Variants in SMARCA2 observed in about 807,000 individuals in gnomAD.
SMARCA2 encodes SWI/SNF related BAF chromatin remodeling complex subunit ATPase 2, also known as SWI/SNF-related matrix-associated actin-dependent regulator of chromatin subfamily A member 2.
A neutral mutation model predicts 199.8 loss-of-function variants in SMARCA2; 61 were observed. The observed-to-expected ratio is 0.31, with a 90% CI of 0.25 to 0.38. SMARCA2 has a LOEUF of 0.38. Among genes scored for constraint, SMARCA2 ranks in the 10% least tolerant of loss-of-function variants. SMARCA2 has a pLI of 1.00. For synonymous variants in SMARCA2, 935 were observed against 732.0 expected (o/e 1.28, Z -4.48); for missense variants, 1,344 against 2,012.2 (o/e 0.67, Z 6.35).
chr9:2,101,481 A>T lies in SMARCA2; in HGVS notation c.3079-89A>T. 4 of 654,668 alleles carry T rather than the reference A, an allele frequency of 6.1e-6. No homozygotes were observed. In the South Asian group the frequency reaches 9.5e-5, roughly 16 times the overall value. The allele number at this position is 654,668 out of a possible 1,614,324, so 40.6% of individuals were successfully genotyped here. A position where few individuals can be genotyped will look rare whatever the true frequency, so the allele number is the denominator to read the frequency against. On this transcript the variant is annotated intron_variant, in intron 21 of 33. Coordinates refer to ENST00000349721, the MANE Select transcript of SMARCA2 (RefSeq NM_003070.5). Reference sequence around the variant, plus strand: ...TTAATTATTTTGTTTTAACTATAGAAATAGGTAGGATAACCTCACTAAAAG... The same window carrying T: ...TTAATTATTTTGTTTTAACTATAGATATAGGTAGGATAACCTCACTAAAAG...
chr9:2,056,637 T>G lies in SMARCA2; in HGVS notation c.1174-35T>G. 6.3e-7 allele frequency: 1 copy of G among 1,589,288 alleles called. No individual in the cohort carries two copies. Among genetic ancestry groups the G allele is most frequent in the Non-Finnish European group, 8.6e-7 (1 of 1,168,996 alleles). ...CAGAGTTCAGGAACCTAGCTTCTGT[T>G]AGGGAAGGCTGTCTAACTGCTCTCT... On this transcript the variant is annotated intron_variant, in intron 6 of 33. Transcript: ENST00000349721. This position sits in a 1 kb window ranked among gnomAD's most constrained non-coding sequence, Gnocchi z 4.0.
At chr9:2,128,310 G>C (rs558217149) in intron 27 of SMARCA2, among the ~76,000 whole-genome samples, 1 of 152,320 alleles carries the variant, frequency 6.6e-6, no homozygotes, top group South Asian at 2.1e-4. Context: ...TTCTTTTAGA[G>C]ACCTTGATGA....
rs544722488 is a variant in SMARCA2 at position 2,151,396 on chromosome 9, C to T, written c.3982-10290C>T. Among the ~76,000 whole-genome samples the T allele has an allele frequency of 3.3e-5, 5 of 151,582 alleles. No individual in the cohort carries two copies. In the South Asian group the frequency reaches 1.0e-3, roughly 32 times the overall value. On this transcript the variant is annotated intron_variant, in intron 27 of 33. Transcript: ENST00000349721. ...AGATGTGAAAATGGCAACAGGATAA[C>T]GAAGACAGTACAAGACCCAGGCCAG...
At chr9:2,075,963 T>C (rs1011042634) in intron 12 of SMARCA2, among the ~76,000 whole-genome samples, 4 of 152,238 alleles carry the variant, frequency 2.6e-5, no homozygotes, top group African/African-American at 9.6e-5. Flanking sequence ...GTTTCTGGCA[T>C]GATATTTACA....
chr9:2,157,686 G>C (rs1478299706), intron 27 of SMARCA2: 2 of 381,738 alleles, frequency 5.2e-6, no homozygotes, highest in African/African-American at 4.1e-5. Flanking sequence ...TGGACTTGGA[G>C]AGGCGGAGGT....
intron 28 of SMARCA2, among the ~76,000 whole-genome samples, chr9:2,166,954 C>T (rs1445869031): frequency 6.6e-6 from 1 of 152,180 alleles, no homozygotes; most frequent in Non-Finnish European, 1.5e-5. Flanking sequence ...TCTAAGAGAC[C>T]TCCTGCTGGC....
At chr9:2,078,123 T>G (rs1217430408) in intron 14 of SMARCA2, among the ~76,000 whole-genome samples, 1 of 152,220 alleles carries the variant, frequency 6.6e-6, no homozygotes, top group Admixed American at 6.5e-5. Context: ...TGTGGTTTTA[T>G]GCCGTGGATT....
chr9:2,139,746 A>T (rs190135051), intron 27 of SMARCA2, among the ~76,000 whole-genome samples: 1 of 152,192 alleles, frequency 6.6e-6, no homozygotes, highest in Non-Finnish European at 1.5e-5. Context: ...CGATAGTAAT[A>T]TTGTCTACAG....
chr9:2,161,784 T>G lies in SMARCA2; in HGVS notation c.4080T>G (p.Asp1360Glu), dbSNP rs751758557. The G allele has an allele frequency of 6.4e-5, 104 of 1,613,840 alleles. No homozygotes were observed. Among genetic ancestry groups the G allele is most frequent in the Non-Finnish European group, 8.7e-5 (103 of 1,179,932 alleles). The change falls in exon 28 of 34, where the codon GAT (aspartate) becomes GAG (glutamate). Residue 1360 changes from aspartate (D) to glutamate (E), a missense_variant. Around this residue, in one of 18 missense-constraint regions of SMARCA2, gnomAD observed 151 missense variants for 154.0 expected, o/e 0.98. Transcript: ENST00000349721. The surrounding 1 kb of genome is among the most constrained non-coding windows in gnomAD (Gnocchi z 4.7). ...TGGATAAAGATCCTGCAAAAGAAGA[T>G]GTGGAAAAAGCTAAGAAGAGAAGAG... ...RNVDKDPAKE[D>E]VEKAKKRRGR...
chr9:2,183,485 C>G (rs1405365236), intron 31 of SMARCA2, among the ~76,000 whole-genome samples: 1 of 152,216 alleles, frequency 6.6e-6, no homozygotes, highest in East Asian at 1.9e-4. Flanking sequence ...CTGTCTGTAT[C>G]TCTGGCCTGA....
At chr9:2,185,943 G>A (rs967336971) in intron 31 of SMARCA2, among the ~76,000 whole-genome samples, 153 bp from the exon 32 acceptor site, 14 of 152,160 alleles carry the variant, frequency 9.2e-5, no homozygotes, top group African/African-American at 2.2e-4. Flanking sequence ...TGGGCTTGGC[G>A]TTTTGCTACT....
intron 27 of SMARCA2, 117 bp downstream of exon 27, chr9:2,124,054 G>T: frequency 2.6e-6 from 2 of 773,640 alleles, no homozygotes. Context: ...TCAAAGGGAA[G>T]GGGCTCTTGA....
intron 27 of SMARCA2, among the ~76,000 whole-genome samples, chr9:2,144,352 G>C (rs1380610057): frequency 6.6e-6 from 1 of 152,140 alleles, no homozygotes; most frequent in Non-Finnish European, 1.5e-5. Context: ...AAATTCCAGA[G>C]CAAGTCCGTT....
At chr9:2,081,038 A>T (rs1586684029) in intron 14 of SMARCA2, among the ~76,000 whole-genome samples, 1 of 152,198 alleles carries the variant, frequency 6.6e-6, no homozygotes, top group East Asian at 1.9e-4. Context: ...CCTAAGCATA[A>T]CATCATTAGC....
rs1563843672 is a variant in SMARCA2 at position 2,187,714 on chromosome 9, A to T, written c.4594+1486A>T. ...TAAATATAATTAATAAATATTTTAA[A>T]ACATAAAATTTCTTCTTTCCTATGT... is the stretch of plus-strand genomic sequence containing the variant. On this transcript the variant is annotated intron_variant, in intron 32 of 33. Coordinates refer to ENST00000349721, the MANE Select transcript of SMARCA2 (RefSeq NM_003070.5). Among the ~76,000 whole-genome samples, 4 of 152,186 alleles carry T rather than the reference A, an allele frequency of 2.6e-5. No individual in the cohort carries two copies. The South Asian group carries it at 8.3e-4, about 32-fold the overall frequency.
chr9:2,059,434 A>G (rs1820489860), intron 8 of SMARCA2, among the ~76,000 whole-genome samples: 1 of 152,120 alleles, frequency 6.6e-6, no homozygotes, highest in Non-Finnish European at 1.5e-5. Context: ...TCTCCATACC[A>G]GGGAGAGAGG....
intron 12 of SMARCA2, among the ~76,000 whole-genome samples, chr9:2,074,724 G>C (rs146448431): frequency 3.9e-4 from 59 of 152,196 alleles, no homozygotes; most frequent in African/African-American, 1.2e-3. Flanking sequence ...AAAATCAGCG[G>C]GGCGTGGTGA....
At chr9:2,059,234 A>G (rs1820481204) in intron 8 of SMARCA2, among the ~76,000 whole-genome samples, 1 of 152,226 alleles carries the variant, frequency 6.6e-6, no homozygotes, top group African/African-American at 2.4e-5. Flanking sequence ...TAATGCCTGC[A>G]TAGATGAAGA....
chr9:2,181,454 C>T, intron 29 of SMARCA2, 117 bp from the exon 30 acceptor site: 1 of 646,132 alleles, frequency 1.5e-6, no homozygotes, highest in Non-Finnish European at 2.8e-6. Context: ...TAAAAAGCTC[C>T]ATATCTATAT....
Sources: allele counts gnomAD v4.1 joint callset (sites outside exome capture counted in the v4.1 genomes callset), GRCh38; gene constraint gnomAD v4.1.1; regional missense constraint gnomAD v4.1.1; non-coding constraint Gnocchi (gnomAD v3.1); transcripts MANE v1.5; gene names NCBI Gene and HGNC (gene_info 2026-07-23, HGNC 2026-07-21).